RSPO2: variants seen among roughly 807,000 people sequenced by gnomAD.
RSPO2 encodes the protein R-spondin 2, also known as R-spondin-2.
A neutral mutation model predicts 30.9 loss-of-function variants in RSPO2; 14 were observed. The ratio of observed to expected loss-of-function variants is 0.45; its 90% CI spans 0.30 to 0.71. The LOEUF (loss-of-function observed/expected upper bound fraction) is 0.71, where lower values mean the gene tolerates loss of function less well. Among genes scored for constraint, RSPO2 ranks in the 30% least tolerant of loss-of-function variants. The probability of loss-of-function intolerance (pLI) is 0.08; values close to 1 mark genes in which losing one functional copy is unlikely to be tolerated. For synonymous variants in RSPO2, 107 were observed against 96.4 expected (o/e 1.11, Z -0.64); for missense variants, 264 against 301.9 (o/e 0.87, Z 0.93).
At chr8:108,052,710 A>G (rs1015081595) in intron 2 of RSPO2, among the ~76,000 whole-genome samples, 1 of 152,182 alleles carries the variant, frequency 6.6e-6, no homozygotes, top group African/African-American at 2.4e-5. Flanking sequence ...CAAAATTATA[A>G]ACTAGATAAC....
chr8:108,045,425 G>A (rs1034724557), intron 2 of RSPO2, among the ~76,000 whole-genome samples: 2 of 152,018 alleles, frequency 1.3e-5, no homozygotes, highest in Middle Eastern at 3.2e-3. Context: ...TTCCTGTATA[G>A]GTCAAGAAAT....
intron 2 of RSPO2, among the ~76,000 whole-genome samples, chr8:108,067,750 A>T (rs1323463765): frequency 6.6e-6 from 1 of 152,250 alleles, no homozygotes; most frequent in Admixed American, 6.5e-5. Context: ...CTAATGCTCC[A>T]TAAAGAGCAC....
At chr8:107,904,147 ATTTC>A (rs942441675) in intron 5 of RSPO2, among the ~76,000 whole-genome samples, 2 of 152,050 alleles carry the variant, frequency 1.3e-5, no homozygotes, top group African/African-American at 2.4e-5. Context: ...TTTCTGCTTA[ATTTC>A]TTTACCTCTG....
At chr8:107,916,964 T>C (rs1586539682) in intron 5 of RSPO2, among the ~76,000 whole-genome samples, 1 of 152,230 alleles carries the variant, frequency 6.6e-6, no homozygotes, top group East Asian at 1.9e-4. Flanking sequence ...AGCTTTAGCA[T>C]TAAAGATGCA....
chr8:107,986,345 T>C (rs1814632151), intron 3 of RSPO2, among the ~76,000 whole-genome samples: 2 of 152,210 alleles, frequency 1.3e-5, no homozygotes, highest in South Asian at 4.1e-4. Context: ...TGATTTTCTC[T>C]AGGTCAGTAA....
intron 2 of RSPO2, among the ~76,000 whole-genome samples, chr8:108,014,571 A>T (rs911933170): frequency 1.3e-5 from 2 of 152,146 alleles, no homozygotes; most frequent in African/African-American, 4.8e-5. Context: ...GGAAACCATC[A>T]TTCTCAGCAA....
At chr8:107,926,335 C>G (rs999644803) in intron 5 of RSPO2, among the ~76,000 whole-genome samples, 2 of 151,782 alleles carry the variant, frequency 1.3e-5, no homozygotes, top group African/African-American at 4.8e-5. Context: ...CAAAAATTTT[C>G]TCCTATTCTG....
intron 3 of RSPO2, 114 bp from the exon 4 acceptor site, chr8:107,960,931 G>T: frequency 2.7e-6 from 2 of 735,984 alleles, no homozygotes; most frequent in Non-Finnish European, 2.2e-6. Flanking sequence ...CTCATCATCA[G>T]AGAAATATTG....
rs10599629 is a variant in RSPO2, at chr8:107,950,752, TAAA to T, written c.616+7325_616+7327del. 5.4e-3 allele frequency among the ~76,000 whole-genome samples: 769 copies of T among 142,066 alleles called. 4 individuals are homozygous for T. Among genetic ancestry groups the T allele is most frequent in the South Asian group, 0.026 (119 of 4,558 alleles). 93.2% of individuals were successfully genotyped at this position (142,066 alleles called of 152,430 possible). Reference sequence around the variant, plus strand: ...TTTACATTTTTAGGTTAATTAATGGTAAAAAAAAAAAAAAAAAATTTGACACCT... The same window carrying T: ...TTTACATTTTTAGGTTAATTAATGGTAAAAAAAAAAAAAAATTTGACACCT... On this transcript the variant is annotated intron_variant, in intron 5 of 5. Transcript: ENST00000276659.
intron 2 of RSPO2, among the ~76,000 whole-genome samples, chr8:108,036,284 A>C (rs1020641511): frequency 6.6e-6 from 1 of 152,204 alleles, no homozygotes; most frequent in Admixed American, 6.5e-5. Flanking sequence ...AATTATGCTA[A>C]ATCTATTCCG....
intron 2 of RSPO2, among the ~76,000 whole-genome samples, chr8:108,053,621 GA>G (rs1419522376): frequency 6.6e-6 from 1 of 152,060 alleles, no homozygotes; most frequent in East Asian, 1.9e-4. Flanking sequence ...GACATAGTAA[GA>G]AATAAAGGGA....
At chr8:108,052,220 A>G (rs1472515652) in intron 2 of RSPO2, among the ~76,000 whole-genome samples, 1 of 152,154 alleles carries the variant, frequency 6.6e-6, no homozygotes, top group Non-Finnish European at 1.5e-5. Context: ...TTATAAGTAT[A>G]TTTTGTACCT....
chr8:107,968,011 G>T lies in RSPO2; in HGVS notation c.284-7194C>A, dbSNP rs1813869387. On this transcript the variant is annotated intron_variant, in intron 3 of 5. Coordinates refer to ENST00000276659, the MANE Select transcript of RSPO2 (RefSeq NM_178565.5). ...GTGCAAAGATCTCAGCACAGTACCT[G>T]CTGTGTAATTAGTTATTAAAAGTGA... is the stretch of plus-strand genomic sequence containing the variant. Among the ~76,000 whole-genome samples, 3 of 152,216 alleles carry T rather than the reference G, an allele frequency of 2.0e-5. 1 individual carries two copies. In the South Asian group the frequency reaches 6.2e-4, roughly 32 times the overall value.
chr8:107,982,702 C>G, intron 3 of RSPO2, among the ~76,000 whole-genome samples: 1 of 152,234 alleles, frequency 6.6e-6, no homozygotes, highest in South Asian at 2.1e-4. Context: ...AGCGACCCAA[C>G]AAAAACAATG....
intron 5 of RSPO2, among the ~76,000 whole-genome samples, chr8:107,957,116 T>C (rs1402483893): frequency 6.6e-6 from 1 of 152,186 alleles, no homozygotes; most frequent in Non-Finnish European, 1.5e-5. Context: ...ACATTCTCTA[T>C]GAGGCAGCAT....
chr8:107,900,878 C>T lies in RSPO2; in HGVS notation c.*197G>A, dbSNP rs1811436640. Reference sequence around the variant, plus strand: ...TCACGGGCTGTGCACTTACTCCTGCCTTCACAGTCTCCAGATTCAAATCAA... The same window carrying T: ...TCACGGGCTGTGCACTTACTCCTGCTTTCACAGTCTCCAGATTCAAATCAA... On this transcript the variant is annotated 3_prime_UTR_variant, in exon 6 of 6. Transcript: ENST00000276659. 3.7e-6 allele frequency: 2 copies of T among 542,530 alleles called. No individual in the cohort carries two copies. Among genetic ancestry groups the T allele is most frequent in the Non-Finnish European group, 6.3e-6 (2 of 315,150 alleles). 33.6% of individuals were successfully genotyped at this position (542,530 alleles called of 1,614,324 possible).
At chr8:108,032,388 C>G (rs991703037) in intron 2 of RSPO2, among the ~76,000 whole-genome samples, 2 of 152,088 alleles carry the variant, frequency 1.3e-5, no homozygotes, top group Admixed American at 6.6e-5. Context: ...TTTCTGTCAC[C>G]TTAATACAGT....
intron 5 of RSPO2, among the ~76,000 whole-genome samples, chr8:107,908,318 GAA>G (rs1252373178): frequency 6.6e-6 from 1 of 152,128 alleles, no homozygotes; most frequent in African/African-American, 2.4e-5. Flanking sequence ...CCGTCAAAGA[GAA>G]ACACAAAACA....
chr8:107,957,100 T>A (rs1230438571), intron 5 of RSPO2, among the ~76,000 whole-genome samples: 1 of 152,154 alleles, frequency 6.6e-6, no homozygotes, highest in Non-Finnish European at 1.5e-5. Flanking sequence ...TCTCCATGGA[T>A]CATAGACATT....
Sources: allele counts gnomAD v4.1 joint callset (sites outside exome capture counted in the v4.1 genomes callset), GRCh38; gene constraint gnomAD v4.1.1; transcripts MANE v1.5; gene names NCBI Gene and HGNC (gene_info 2026-07-23, HGNC 2026-07-21).